The following GRIP1 variants were observed in gnomAD, a reference collection of about 807,000 sequenced individuals.
GRIP1 encodes glutamate receptor-interacting protein 1.
Under a neutral mutation model 129.9 loss-of-function variants are expected in GRIP1, and 45 were observed. That is an observed-to-expected ratio of 0.35 (90% confidence interval 0.27 to 0.44). GRIP1 has a LOEUF of 0.44. Ranked by LOEUF, GRIP1 falls within the 20% of genes least tolerant of loss-of-function variation. The pLI is 1.00. For synonymous variants in GRIP1, 530 were observed against 520.8 expected (o/e 1.02, Z -0.24); for missense variants, 1,196 against 1,396.8 (o/e 0.86, Z 2.29).
At chr12:66,954,908 G>A (rs1041045693) in intron 1 of GRIP1, among the ~76,000 whole-genome samples, 4 of 152,172 alleles carry the variant, frequency 2.6e-5, no homozygotes, top group South Asian at 4.1e-4. Context: ...CAGGAAGAAG[G>A]ACTAAAGGAA....
chr12:67,011,606 C>T (rs1410747940), intron 1 of GRIP1, among the ~76,000 whole-genome samples: 1 of 151,890 alleles, frequency 6.6e-6, no homozygotes, highest in Non-Finnish European at 1.5e-5. Flanking sequence ...ACATCCATAT[C>T]CTCTATTTTT....
intron 1 of GRIP1, among the ~76,000 whole-genome samples, chr12:66,673,621 T>C (rs2034185832): frequency 6.6e-6 from 1 of 152,134 alleles, no homozygotes; most frequent in African/African-American, 2.4e-5. Flanking sequence ...TCTAACTAGT[T>C]ATATAAACGA....
intron 1 of GRIP1, among the ~76,000 whole-genome samples, chr12:66,997,157 T>C (rs2042479591): frequency 6.6e-6 from 1 of 152,138 alleles, no homozygotes; most frequent in Non-Finnish European, 1.5e-5. Flanking sequence ...GAGTGACATT[T>C]CTCTAAGAAT....
At chr12:66,427,556 A>G (rs997261441) in intron 14 of GRIP1, among the ~76,000 whole-genome samples, 1 of 152,222 alleles carries the variant, frequency 6.6e-6, no homozygotes, top group Non-Finnish European at 1.5e-5. Context: ...AGCATCACAA[A>G]GCATTTTGGT....
rs928403059 is a variant in GRIP1, at chr12:66,400,076, A to G, written c.1985-5724T>C. Among the ~76,000 whole-genome samples the G allele has an allele frequency of 1.1e-4, 17 of 151,994 alleles. 1 individual carries two copies. The highest frequency in any genetic ancestry group is 3.4e-4 in the African/African-American group (14 of 41,234). On this transcript the variant is annotated intron_variant, in intron 16 of 24. Coordinates refer to ENST00000359742, the MANE Select transcript of GRIP1 (RefSeq NM_001366722.1). Reference sequence around the variant, plus strand: ...CAAAACTAGGTTTGTTTGTGACAGCATTTCTCAAAGTGTAGTTCTAGGACT... The same window carrying G: ...CAAAACTAGGTTTGTTTGTGACAGCGTTTCTCAAAGTGTAGTTCTAGGACT...
chr12:66,448,634 T>C (rs2058696010), intron 11 of GRIP1, among the ~76,000 whole-genome samples: 1 of 152,148 alleles, frequency 6.6e-6, no homozygotes, highest in African/African-American at 2.4e-5. Context: ...GGATATCCCA[T>C]CCACAAACTG....
intron 1 of GRIP1, among the ~76,000 whole-genome samples, chr12:66,836,514 C>T (rs2039616678): frequency 6.6e-6 from 1 of 152,138 alleles, no homozygotes; most frequent in Non-Finnish European, 1.5e-5. Flanking sequence ...ATTCCCCCAA[C>T]CACCCTCCCT....
intron 1 of GRIP1, among the ~76,000 whole-genome samples, chr12:66,644,193 C>T (rs2032171825): frequency 6.6e-6 from 1 of 152,136 alleles, no homozygotes; most frequent in African/African-American, 2.4e-5. Flanking sequence ...AGGTCCCTCC[C>T]ACAACACGTG....
intron 7 of GRIP1, among the ~76,000 whole-genome samples, chr12:66,497,118 G>A: frequency 6.6e-6 from 1 of 152,222 alleles, no homozygotes; most frequent in East Asian, 1.9e-4. Context: ...TACACACTAT[G>A]CATGTAGTGG....
intron 1 of GRIP1, among the ~76,000 whole-genome samples, chr12:66,795,342 G>A (rs2038664852): frequency 6.6e-6 from 1 of 152,110 alleles, no homozygotes; most frequent in Non-Finnish European, 1.5e-5. Flanking sequence ...GTTATTTTCT[G>A]CACCTGAAAA....
At chr12:66,797,883 C>G (rs1275133487) in intron 1 of GRIP1, among the ~76,000 whole-genome samples, 2 of 152,122 alleles carry the variant, frequency 1.3e-5, no homozygotes, top group African/African-American at 4.8e-5. Flanking sequence ...TGCAAACTCT[C>G]ACAGGAGCAT....
chr12:66,900,298 C>T (rs1202034816), intron 1 of GRIP1, among the ~76,000 whole-genome samples: 7 of 152,062 alleles, frequency 4.6e-5, no homozygotes, highest in Non-Finnish European at 7.4e-5. Context: ...TGTACCCCTC[C>T]AAAATGCAAA....
chr12:67,055,940 G>A (rs900661759), intron 1 of GRIP1, among the ~76,000 whole-genome samples: 1 of 152,142 alleles, frequency 6.6e-6, no homozygotes, highest in African/African-American at 2.4e-5. Flanking sequence ...AGGACAATTC[G>A]TATGAATATT....
intron 2 of GRIP1, among the ~76,000 whole-genome samples, chr12:66,544,662 C>T (rs573193364): frequency 3.6e-4 from 55 of 152,172 alleles, no homozygotes; most frequent in African/African-American, 1.1e-3. Context: ...TTTGCTGAAT[C>T]GCAAGAATGG....
chr12:66,827,006 CTCTT>C (rs1391005293), intron 1 of GRIP1, among the ~76,000 whole-genome samples: 3 of 152,166 alleles, frequency 2.0e-5, no homozygotes, highest in African/African-American at 7.2e-5. Flanking sequence ...AGATTTCTCT[CTCTT>C]TCTTCCTTGA....
intron 7 of GRIP1, among the ~76,000 whole-genome samples, chr12:66,477,310 C>A: frequency 6.6e-6 from 1 of 151,968 alleles, no homozygotes; most frequent in Non-Finnish European, 1.5e-5. Context: ...ACCTAGGAAT[C>A]CAACTTACAA....
intron 1 of GRIP1, among the ~76,000 whole-genome samples, chr12:66,881,522 C>CTT (rs905245674): frequency 2.7e-5 from 4 of 149,328 alleles, no homozygotes; most frequent in African/African-American, 9.8e-5. Flanking sequence ...GAATGGATAA[C>CTT]TTTTTTTTTT....
intron 2 of GRIP1, among the ~76,000 whole-genome samples, chr12:66,556,049 T>C (rs2062319579): frequency 6.6e-6 from 1 of 151,888 alleles, no homozygotes; most frequent in Admixed American, 6.6e-5. Context: ...CCTAGAGAAA[T>C]ATATCAATAT....
chr12:66,717,707 T>C (rs1425826798), intron 1 of GRIP1, among the ~76,000 whole-genome samples: 1 of 152,180 alleles, frequency 6.6e-6, no homozygotes, highest in Non-Finnish European at 1.5e-5. Context: ...TATTGAACAG[T>C]CATTGTGTTG....
Sources: allele counts gnomAD v4.1 joint callset (sites outside exome capture counted in the v4.1 genomes callset), GRCh38; gene constraint gnomAD v4.1.1; transcripts MANE v1.5; gene names NCBI Gene and HGNC (gene_info 2026-07-23, HGNC 2026-07-21).